The following NF2 variants were observed in gnomAD, a reference collection of about 807,000 sequenced individuals.
NF2 encodes merlin.
NF2 carries 8 observed loss-of-function variants against 83.7 expected under a neutral mutation model. The observed-to-expected ratio is 0.10, with a 90% CI of 0.06 to 0.17. The LOEUF is 0.17. NF2 is among the 10% of genes least tolerant of loss of function. The pLI is 1.00. For synonymous variants in NF2, 266 were observed against 269.6 expected, an observed-to-expected ratio of 0.99 and a Z score of 0.13; for missense variants, 533 against 744.4, an observed-to-expected ratio of 0.72 and a Z score of 3.31.
rs770019352 is a variant in NF2 at position 29,661,220 on chromosome 22, G to C, written c.691G>C (p.Glu231Gln). 2 of 1,614,248 alleles carry C rather than the reference G, an allele frequency of 1.2e-6. No homozygotes were observed. The highest frequency in any genetic ancestry group is 1.7e-6 in the Non-Finnish European group (2 of 1,180,042). ...YFAIRNKKGT[E>Q]LLLGVDALGL... is the part of the protein sequence containing the mutation. The stretch of plus-strand genomic sequence containing the variant: ...GGATCCACAGAATAAAAAGGGCACA[G>C]AGCTGCTGCTTGGAGTGGATGCCCT... Residue 231 changes from glutamate to glutamine, a missense_variant, in exon 8 of 16, where the codon GAG becomes CAG. This residue lies in a region of NF2 where 326 missense variants were observed against 475.1 expected (regional missense o/e 0.69). Transcript: ENST00000338641.
At position 29,696,072 on chromosome 22, in the gene NF2, T is replaced by C. The variant is rs542927614; in HGVS notation, c.*1270T>C. 1,295 of 222,144 alleles carry C rather than the reference T, an allele frequency of 5.8e-3. 14 individuals are homozygous for C. The highest frequency in any genetic ancestry group is 0.028 in the African/African-American group (1,210 of 42,690). The allele number at this position is 222,144 out of a possible 1,614,324, so 13.8% of individuals were successfully genotyped here. A position where few individuals can be genotyped will look rare whatever the true frequency, so the allele number is the denominator to read the frequency against. ...GGCCACCTTCTTGCCCTTTCTTTTT[T>C]TTTTTTTTTTTTTTTTTCCGAGATG... On this transcript the variant is annotated 3_prime_UTR_variant, in exon 16 of 16. Transcript: ENST00000338641.
At chr22:29,668,256 C>G in intron 9 of NF2, 77 bp from the exon 10 acceptor site, 2 of 1,017,012 alleles carry the variant, frequency 2.0e-6, no homozygotes, top group Non-Finnish European at 3.1e-6. Context: ...GCTCAAACTG[C>G]TATGGCACTA....
In NF2 at chr22:29,620,639, T is replaced by C. The variant is rs537435182; in HGVS notation, c.115-16112T>C. 5.9e-5 allele frequency among the ~76,000 whole-genome samples: 9 copies of C among 151,964 alleles called. No homozygotes were observed. The East Asian group carries it at 1.7e-3, about 29-fold the overall frequency. Reference sequence around the variant, plus strand: ...CTGTAATTCCAGCTACTTGGGAGGCTGAGGCAGGATAATTGCCTGAGGTGG... The same window carrying C: ...CTGTAATTCCAGCTACTTGGGAGGCCGAGGCAGGATAATTGCCTGAGGTGG... On this transcript the variant is annotated intron_variant, in intron 1 of 15. Coordinates refer to ENST00000338641, the MANE Select transcript of NF2 (RefSeq NM_000268.4).
At chr22:29,652,737 A>G (rs117349959) in intron 4 of NF2, among the ~76,000 whole-genome samples, 1 of 152,226 alleles carries the variant, frequency 6.6e-6, no homozygotes, top group East Asian at 1.9e-4. Context: ...CCACATAGCT[A>G]CTATGTGAAA....
chr22:29,664,472 T>A (rs2066562570), intron 8 of NF2, among the ~76,000 whole-genome samples: 1 of 152,158 alleles, frequency 6.6e-6, no homozygotes, highest in African/African-American at 2.4e-5. Context: ...TTCACCTGCC[T>A]TTTAGCTACC....
intron 15 of NF2, among the ~76,000 whole-genome samples, chr22:29,687,904 G>C (rs547745124): frequency 6.6e-6 from 1 of 152,216 alleles, no homozygotes; most frequent in African/African-American, 2.4e-5. Flanking sequence ...CTTCCTCTCC[G>C]CCTCCTGGCT....
chr22:29,609,678 A>G (rs2064897111), intron 1 of NF2, among the ~76,000 whole-genome samples: 1 of 152,220 alleles, frequency 6.6e-6, no homozygotes, highest in African/African-American at 2.4e-5. Context: ...ATTGGTGTGT[A>G]TAACTACATT....
chr22:29,658,789 G>A (rs1272260875), intron 7 of NF2, among the ~76,000 whole-genome samples: 1 of 152,138 alleles, frequency 6.6e-6, no homozygotes, highest in Non-Finnish European at 1.5e-5. Flanking sequence ...AGGCATTTGT[G>A]TGCAGCCCAG....
intron 2 of NF2, among the ~76,000 whole-genome samples, chr22:29,638,651 G>A (rs747470555): frequency 2.0e-5 from 3 of 151,782 alleles, no homozygotes; most frequent in Non-Finnish European, 4.4e-5. Context: ...CACGCCCAGC[G>A]CTCTAAGCCG....
chr22:29,662,862 A>T (rs1181615402), intron 8 of NF2, among the ~76,000 whole-genome samples: 2 of 152,182 alleles, frequency 1.3e-5, no homozygotes, highest in Non-Finnish European at 2.9e-5. Flanking sequence ...CCACTCAGTG[A>T]CCTCCTGGTA....
rs1333560181 is a variant in NF2 at position 29,604,006 on chromosome 22, G to A, written c.8G>A (p.Gly3Glu). ...GGGCCTGAGCCCCGCGCCATGGCCGGGGCCATCGCTTCCCGCATGAGCTTC... is the reference window on the plus strand; with the variant it reads ...GGGCCTGAGCCCCGCGCCATGGCCGAGGCCATCGCTTCCCGCATGAGCTTC... The part of the protein sequence containing the change: MA[G>E]AIASRMSFSS... Residue 3 changes from glycine to glutamate, a missense_variant, in exon 1 of 16, where the codon GGG (glycine) becomes GAG (glutamate). By Grantham distance (98) the Gly-to-Glu change is moderately conservative (BLOSUM62 -2). Transcript: ENST00000338641. 8 of 1,584,708 alleles carry A rather than the reference G, an allele frequency of 5.0e-6. No individual in the cohort carries two copies. The highest frequency in any genetic ancestry group is 8.6e-7 in the Non-Finnish European group (1 of 1,165,808).
chr22:29,648,730 C>T (rs961181990), intron 4 of NF2, among the ~76,000 whole-genome samples: 3 of 152,260 alleles, frequency 2.0e-5, no homozygotes, highest in African/African-American at 4.8e-5. Context: ...GATCCTCCCA[C>T]CTCAGCCTCA....
chr22:29,612,015 T>A (rs2064964272), intron 1 of NF2, among the ~76,000 whole-genome samples: 1 of 152,208 alleles, frequency 6.6e-6, no homozygotes, highest in Non-Finnish European at 1.5e-5. Flanking sequence ...TTTTTTAAAT[T>A]AATTTTTTTT....
chr22:29,625,922 C>T (rs1012419610), intron 1 of NF2, among the ~76,000 whole-genome samples: 1 of 152,184 alleles, frequency 6.6e-6, no homozygotes, highest in Non-Finnish European at 1.5e-5. Context: ...GCTTTTCCCT[C>T]CACCTTGCCT....
chr22:29,681,242 T>G (rs2067124842), intron 14 of NF2, among the ~76,000 whole-genome samples, 197 bp from the exon 15 acceptor site: 1 of 152,070 alleles, frequency 6.6e-6, no homozygotes, highest in Non-Finnish European at 1.5e-5. Context: ...ATTATCCCAA[T>G]TTTAATGATG....
Position 29,672,648 on chromosome 22 carries a change from T to G in NF2, c.1123-621T>G, listed in dbSNP as rs1473629593. Among the ~76,000 whole-genome samples the G allele has an allele frequency of 2.0e-5, 3 of 147,952 alleles. No individual in the cohort carries two copies. In the Admixed American group the frequency reaches 2.0e-4, roughly 10 times the overall value. On this transcript the variant is annotated intron_variant, in intron 11 of 15. Transcript: ENST00000338641. ...TTTTTTTTTTGAGATGGAGTTTCAC[T>G]CTTGTTGCCCAAGCTGGAGTGCAAT...
rs555817356 is a variant in NF2, at chr22:29,664,857, T to A, written c.811-133T>A. 4 of 738,148 alleles carry A rather than the reference T, an allele frequency of 5.4e-6. No homozygotes were observed. In the East Asian group the frequency reaches 8.0e-5, roughly 15 times the overall value. 45.7% of individuals were successfully genotyped at this position (738,148 alleles called of 1,614,324 possible). A position where few individuals can be genotyped will look rare whatever the true frequency, so the allele number is the denominator to read the frequency against. On this transcript the variant is annotated intron_variant, in intron 8 of 15. Coordinates refer to ENST00000338641, the MANE Select transcript of NF2 (RefSeq NM_000268.4). The stretch of plus-strand genomic sequence containing the variant: ...AATTCCCTGAGGTTTAGTGCCTGGA[T>A]ACTGGGAAGCCAGGACAAGGCATAA...
rs147456478 is a variant in NF2 at position 29,656,048 on chromosome 22, C to CCT, written c.599+373_599+374dup. Among the ~76,000 whole-genome samples, 1,303 of 151,976 alleles carry CCT rather than the reference C, an allele frequency of 8.6e-3. 15 individuals are homozygous for CCT. Among genetic ancestry groups the CCT allele is most frequent in the African/African-American group, 0.03 (1,240 of 41,408 alleles). On this transcript the variant is annotated intron_variant, in intron 6 of 15. Coordinates refer to ENST00000338641, the MANE Select transcript of NF2 (RefSeq NM_000268.4). The stretch of plus-strand genomic sequence containing the variant: ...TGACCTCCTGGGTTCAAGCAAACCT[C>CCT]CTGCCTCAGCACCCCCAGTAGCTGG...
chr22:29,652,620 C>T (rs1027519268), intron 4 of NF2, among the ~76,000 whole-genome samples: 6 of 152,152 alleles, frequency 3.9e-5, no homozygotes, highest in Admixed American at 1.3e-4. Context: ...GTTTTAAAAA[C>T]TTTGCTGGTC....
Sources: allele counts gnomAD v4.1 joint callset (sites outside exome capture counted in the v4.1 genomes callset), GRCh38; gene constraint gnomAD v4.1.1; regional missense constraint gnomAD v4.1.1; transcripts MANE v1.5; gene names NCBI Gene and HGNC (gene_info 2026-07-23, HGNC 2026-07-21).